CIMAP1B: variants seen among roughly 807,000 people sequenced by gnomAD.
CIMAP1B encodes orf2 5' to PD-ECGF/TP.
chr22:50,531,911 C>A, the CIMAP1B span: 2 of 1,315,028 alleles, frequency 1.5e-6, no homozygotes, highest in Non-Finnish European at 2.0e-6. Context: ...CTGGTCTCTT[C>A]CCCTTCCCTC....
At chr22:50,531,043 G>A in the CIMAP1B span, 1 of 1,609,304 alleles carries the variant, frequency 6.2e-7, no homozygotes, top group Non-Finnish European at 8.5e-7. Context: ...CGAGGGCACC[G>A]TATAGGCCGC....
chr22:50,532,258 G>T, the CIMAP1B span: 1 of 840,954 alleles, frequency 1.2e-6, no homozygotes, highest in Non-Finnish European at 1.6e-6. Context: ...TTCCTTCCCG[G>T]CTGTGTGGAG....
the CIMAP1B span, chr22:50,531,925 C>G: frequency 1.0e-4 from 134 of 1,314,468 alleles, 1 homozygote; most frequent in South Asian, 2.6e-3. Flanking sequence ...TTCCCTCCCC[C>G]AGGCGCCGTC....
At chr22:50,531,338 G>T in the CIMAP1B span, 4 of 1,473,222 alleles carry the variant, frequency 2.7e-6, no homozygotes, top group Non-Finnish European at 3.7e-6. Context: ...AACTGCGTGG[G>T]AGCCTGGTGG....
the CIMAP1B span, chr22:50,531,617 A>G: frequency 1.4e-6 from 2 of 1,404,908 alleles, no homozygotes; most frequent in African/African-American, 1.5e-5. Flanking sequence ...GCGGCCGTAG[A>G]TGGAGTAGGC....
At chr22:50,531,226 CG>C in the CIMAP1B span, 6 of 1,613,000 alleles carry the variant, frequency 3.7e-6, no homozygotes, top group Non-Finnish European at 5.1e-6. Flanking sequence ...ACCCCAGTTT[CG>C]GGGAGCAATG....
At chr22:50,531,723 CGAAGGT>C in the CIMAP1B span, 10 of 1,365,200 alleles carry the variant, frequency 7.3e-6, no homozygotes, top group Non-Finnish European at 9.4e-6. Flanking sequence ...AAGCGCGCGC[CGAAGGT>C]GAAGGCGGGG....
chr22:50,531,782 A>G, the CIMAP1B span: 1 of 1,356,542 alleles, frequency 7.4e-7, no homozygotes, highest in Non-Finnish European at 9.5e-7. Context: ...GCCTGGGAGC[A>G]TCCGAGTTAG....
At chr22:50,531,045 A>G in the CIMAP1B span, 3 of 1,608,640 alleles carry the variant, frequency 1.9e-6, no homozygotes, top group Non-Finnish European at 2.5e-6. Context: ...AGGGCACCGT[A>G]TAGGCCGCGG....
At chr22:50,531,044 T>C in the CIMAP1B span, 22 of 1,610,136 alleles carry the variant, frequency 1.4e-5, no homozygotes, top group Non-Finnish European at 1.9e-5. Context: ...GAGGGCACCG[T>C]ATAGGCCGCG....
chr22:50,532,227 G>T, the CIMAP1B span: 4 of 1,107,068 alleles, frequency 3.6e-6, no homozygotes, highest in Non-Finnish European at 4.6e-6. Context: ...TATCCCTGGC[G>T]CCAGCAAAAC....
chr22:50,531,882 G>GCCCC, the CIMAP1B span: 58 of 1,325,694 alleles, frequency 4.4e-5, no homozygotes, highest in Non-Finnish European at 5.3e-5. Context: ...GCACGGTTCA[G>GCCCC]CCCCGAGCGC....
chr22:50,532,146 C>G, the CIMAP1B span: 1 of 1,318,430 alleles, frequency 7.6e-7, no homozygotes, highest in Non-Finnish European at 9.7e-7. Flanking sequence ...GGCCCCTGCA[C>G]CGCAAATTCT....
chr22:50,530,924 G>A, the CIMAP1B span: 1 of 1,610,248 alleles, frequency 6.2e-7, no homozygotes, highest in Non-Finnish European at 8.5e-7. Flanking sequence ...GTCCGCCCCG[G>A]CCCCTCCCCC....
the CIMAP1B span, chr22:50,531,839 C>G: frequency 2.2e-6 from 3 of 1,334,310 alleles, no homozygotes; most frequent in Non-Finnish European, 2.9e-6. Flanking sequence ...CACGGACCCT[C>G]CCCCGGCACA....
chr22:50,532,119 C>T, the CIMAP1B span: 1 of 1,336,668 alleles, frequency 7.5e-7, no homozygotes, highest in Non-Finnish European at 9.6e-7. Flanking sequence ...CACCTGCGGA[C>T]AGAAGGCGGT....
chr22:50,531,826 C>CA, the CIMAP1B span: 2 of 1,339,366 alleles, frequency 1.5e-6, no homozygotes, highest in South Asian at 4.1e-5. Context: ...GCCCCATCTG[C>CA]AACACGGACC....
chr22:50,531,461 C>A, the CIMAP1B span: 116 of 1,075,842 alleles, frequency 1.1e-4, no homozygotes, highest in Non-Finnish European at 1.5e-4. Flanking sequence ...ACCGAATATG[C>A]GGTGTTAGGG....
At chr22:50,530,772 C>A in the CIMAP1B span, 1 of 1,608,860 alleles carries the variant, frequency 6.2e-7, no homozygotes. Flanking sequence ...GGAGCGAAGT[C>A]CGCGCCAGAA....
Sources: allele counts gnomAD v4.1 joint callset, GRCh38; gene constraint gnomAD v4.1.1; transcripts MANE v1.5; gene names NCBI Gene and HGNC (gene_info 2026-07-23, HGNC 2026-07-21).